Variants in ATP10B observed in about 807,000 individuals in gnomAD.
The protein encoded by ATP10B is phospholipid-transporting ATPase VB.
A neutral mutation model predicts 141.2 loss-of-function variants in ATP10B; 122 were observed. The observed-to-expected ratio is 0.86, with a 90% CI of 0.75 to 1.00. ATP10B has a LOEUF of 1.00. ATP10B is among the 50% of genes least tolerant of loss of function. The pLI is 0.00. For synonymous variants in ATP10B, 685 were observed against 692.0 expected (o/e 0.99, Z 0.16); for missense variants, 1,876 against 1,825.3 (o/e 1.03, Z -0.51).
At position 160,620,822 on chromosome 5, in the gene ATP10B, G is replaced by T. The variant is rs758123977; in HGVS notation, c.1941C>A (p.Leu647=). Residue 647 remains leucine, a synonymous_variant, in exon 15 of 26, where the codon CTC becomes CTA. Transcript: ENST00000327245. ...FSSTAPSDTD[L]GESLGANVAT... ...CCACGTTGGCCCCTAAGCTCTCCCC[G>T]AGGTCTGTGTCAGAGGGTGCAGTGG... 2.5e-6 allele frequency: 4 copies of T among 1,614,056 alleles called. No individual in the cohort carries two copies. The Admixed American group carries it at 5.0e-5, about 20-fold the overall frequency.
chr5:160,724,226 A>G (rs951756459), intron 2 of ATP10B, among the ~76,000 whole-genome samples: 1 of 150,774 alleles, frequency 6.6e-6, no homozygotes, highest in Non-Finnish European at 1.5e-5. Flanking sequence ...CCCATGACAC[A>G]AGTTTACCTG....
At chr5:160,863,273 G>A in the ATP10B span, among the ~76,000 whole-genome samples, 1 of 151,932 alleles carries the variant, frequency 6.6e-6, no homozygotes, top group African/African-American at 2.4e-5. Context: ...TGAGGTCCTA[G>A]AGAATGGTTA....
At chr5:160,606,571 A>G (rs1757398766) in intron 19 of ATP10B, among the ~76,000 whole-genome samples, 194 bp downstream of exon 19, 1 of 152,178 alleles carries the variant, frequency 6.6e-6, no homozygotes. Flanking sequence ...TGCTAGTCCC[A>G]AGAACTTTGA....
At chr5:160,591,985 A>C (rs926297710) in intron 22 of ATP10B, among the ~76,000 whole-genome samples, 7 of 152,136 alleles carry the variant, frequency 4.6e-5, no homozygotes, top group Non-Finnish European at 8.8e-5. Flanking sequence ...CTCCAGGTGC[A>C]AGACACTCTC....
intron 1 of ATP10B, among the ~76,000 whole-genome samples, chr5:160,821,244 A>G (rs993884597): frequency 6.6e-6 from 1 of 152,146 alleles, no homozygotes; most frequent in African/African-American, 2.4e-5. Context: ...AAAGAAATGT[A>G]ACAAGTAATT....
intron 6 of ATP10B, among the ~76,000 whole-genome samples, chr5:160,682,258 G>A (rs187673124): frequency 1.6e-3 from 246 of 152,306 alleles, no homozygotes; most frequent in Non-Finnish European, 2.7e-3. Context: ...TGGGCTATGG[G>A]TCCATTGGAG....
chr5:160,797,833 G>A (rs1458662873), intron 1 of ATP10B, among the ~76,000 whole-genome samples: 2 of 151,900 alleles, frequency 1.3e-5, no homozygotes, highest in African/African-American at 4.8e-5. Flanking sequence ...ACACATGCCT[G>A]TCATCTGAGC....
At chr5:160,714,969 C>T (rs4374789) in intron 3 of ATP10B, among the ~76,000 whole-genome samples, 22,365 of 95,448 alleles carry the variant, frequency 0.23, 3,492 homozygotes, top group East Asian at 0.69. Context: ...GCAGTCTGCC[C>T]GTTCTCAGAT....
chr5:160,796,569 T>TA (rs1771962539), intron 1 of ATP10B, among the ~76,000 whole-genome samples: 1 of 121,184 alleles, frequency 8.3e-6, no homozygotes, highest in Non-Finnish European at 1.8e-5. Flanking sequence ...CCCCCAGCGG[T>TA]AGTATTGTCT....
chr5:160,785,538 C>T (rs1463085424), intron 2 of ATP10B, 21 bp downstream of exon 2: 2 of 574,286 alleles, frequency 3.5e-6, no homozygotes, highest in Admixed American at 2.3e-5. Context: ...GACCCCACTG[C>T]CCAAGAAGTA....
At chr5:160,670,356 A>T (rs1389833463) in intron 7 of ATP10B, 107 bp downstream of exon 7, 1 of 1,027,014 alleles carries the variant, frequency 9.7e-7, no homozygotes, top group East Asian at 2.4e-5. Context: ...AAAAGGAGGC[A>T]TCTACTACTT....
intron 8 of ATP10B, among the ~76,000 whole-genome samples, chr5:160,647,245 C>CAGA (rs953658342): frequency 1.2e-4 from 18 of 152,184 alleles, no homozygotes; most frequent in Non-Finnish European, 2.4e-4. Context: ...CTGGGAAACC[C>CAGA]AGAGGCATCA....
chr5:160,793,945 T>C (rs1743735557), intron 1 of ATP10B, among the ~76,000 whole-genome samples: 1 of 152,330 alleles, frequency 6.6e-6, no homozygotes, highest in South Asian at 2.1e-4. Context: ...TACGCTGTAC[T>C]ATATAGCCTA....
In ATP10B at chr5:160,598,383, G is replaced by C. The variant is rs530564672; in HGVS notation, c.3564+387C>G. Among the ~76,000 whole-genome samples the C allele has an allele frequency of 3.5e-3, 531 of 152,044 alleles. 3 individuals carry two copies. The highest frequency in any genetic ancestry group is 0.01 in the Middle Eastern group (3 of 294). ...AGGGGAACATCACACTCTGGGGACT[G>C]TTGTGGGGTGGGGGGAGCAGGGAGG... On this transcript the variant is annotated intron_variant, in intron 22 of 25. Transcript: ENST00000327245.
At chr5:160,901,780 C>T in the ATP10B span, among the ~76,000 whole-genome samples, 1 of 152,010 alleles carries the variant, frequency 6.6e-6, no homozygotes, top group Non-Finnish European at 1.5e-5. Context: ...TCCATCATAC[C>T]CAACAGTACT....
chr5:160,599,352 T>C (rs374129045), intron 21 of ATP10B, among the ~76,000 whole-genome samples: 6 of 152,324 alleles, frequency 3.9e-5, no homozygotes, highest in East Asian at 3.9e-4. Context: ...GGACATTAAT[T>C]GAGGACTTGG....
chr5:160,796,797 T>C (rs767566371), intron 1 of ATP10B, among the ~76,000 whole-genome samples: 7 of 152,114 alleles, frequency 4.6e-5, no homozygotes, highest in Non-Finnish European at 1.0e-4. Flanking sequence ...ACCTCCCACC[T>C]GCACTTGGAG....
chr5:160,817,135 G>T (rs1382337386), intron 1 of ATP10B, among the ~76,000 whole-genome samples: 1 of 152,170 alleles, frequency 6.6e-6, no homozygotes, highest in Non-Finnish European at 1.5e-5. Context: ...TCAACATAAT[G>T]TTGGAAGTTC....
In ATP10B at chr5:160,620,327, C is replaced by T. The variant is rs748275045; in HGVS notation, c.2416+20G>A. ...CTATAGAACTCTCTGTGCCTGGAAC[C>T]CTGGTAAGGCAGGACTCACCGCAGG... On this transcript the variant is annotated intron_variant, in intron 15 of 25. Transcript: ENST00000327245. The T allele has an allele frequency of 1.5e-5, 24 of 1,585,290 alleles. 1 individual carries two copies. In the South Asian group the frequency reaches 2.8e-4, roughly 18 times the overall value.
Sources: allele counts gnomAD v4.1 joint callset (sites outside exome capture counted in the v4.1 genomes callset), GRCh38; gene constraint gnomAD v4.1.1; transcripts MANE v1.5; gene names NCBI Gene and HGNC (gene_info 2026-07-23, HGNC 2026-07-21).